Variants in SAMD12 observed in about 807,000 individuals in gnomAD.
SAMD12 encodes the protein sterile alpha motif domain containing 12, also known as sterile alpha motif domain-containing protein 12.
In SAMD12, 9 loss-of-function variants were observed where a neutral mutation model predicts 15.0. The observed-to-expected ratio is 0.60, with a 90% CI of 0.36 to 1.05. The LOEUF (loss-of-function observed/expected upper bound fraction) is 1.05, where lower values mean the gene tolerates loss of function less well. Among genes scored for constraint, SAMD12 ranks in the 50% least tolerant of loss-of-function variants. The pLI, the probability that SAMD12 is intolerant of heterozygous loss-of-function variation, is 0.01. For missense variants in SAMD12, 230 were observed against 234.2 expected (o/e 0.98, Z 0.12); for synonymous variants, 86 against 90.1 (o/e 0.96, Z 0.25).
intron 3 of SAMD12, among the ~76,000 whole-genome samples, chr8:118,421,564 A>C (rs6469746): frequency 0.6 from 91,264 of 152,080 alleles, 27,587 homozygotes; most frequent in Admixed American, 0.67. Context: ...CTTTGGGTGT[A>C]TGAAACAAAA....
chr8:118,391,532 C>T (rs1011658031), intron 3 of SAMD12, among the ~76,000 whole-genome samples: 1 of 152,140 alleles, frequency 6.6e-6, no homozygotes, highest in Admixed American at 6.6e-5. Flanking sequence ...AACAACTAAA[C>T]ACATAAGGAC....
At chr8:118,323,826 T>G (rs1275272091) in intron 4 of SAMD12, among the ~76,000 whole-genome samples, 2 of 151,870 alleles carry the variant, frequency 1.3e-5, no homozygotes, top group Non-Finnish European at 2.9e-5. Context: ...AGATCCTGTC[T>G]CAAAAAAAAA....
At chr8:118,376,792 T>C (rs1819408924), downstream of SAMD12, among the ~76,000 whole-genome samples, 1 of 152,202 alleles carries the variant, frequency 6.6e-6, no homozygotes, top group Non-Finnish European at 1.5e-5. Flanking sequence ...ATATTGTTTC[T>C]GCTGAGTAAT....
chr8:118,561,647 A>T (rs1296156504), intron 2 of SAMD12, among the ~76,000 whole-genome samples: 1 of 152,196 alleles, frequency 6.6e-6, no homozygotes, highest in African/African-American at 2.4e-5. Flanking sequence ...ATCATTCACT[A>T]TCACAAGAAC....
At chr8:118,384,409 G>A (rs756453004) in intron 3 of SAMD12, among the ~76,000 whole-genome samples, 3 of 152,162 alleles carry the variant, frequency 2.0e-5, no homozygotes, top group African/African-American at 4.8e-5. Flanking sequence ...GGAGGAGTCC[G>A]CGGACTATCA....
At chr8:118,468,956 T>C (rs1823678990) in intron 2 of SAMD12, among the ~76,000 whole-genome samples, 1 of 152,194 alleles carries the variant, frequency 6.6e-6, no homozygotes, top group African/African-American at 2.4e-5. Context: ...TCATATCATA[T>C]AGGATTCTGC....
chr8:118,462,944 C>T (rs891641309), intron 2 of SAMD12, among the ~76,000 whole-genome samples: 21 of 151,402 alleles, frequency 1.4e-4, no homozygotes, highest in Non-Finnish European at 2.2e-4. Flanking sequence ...CTACTAAAAA[C>T]ACAAAAATTA....
intron 3 of SAMD12, among the ~76,000 whole-genome samples, chr8:118,429,929 A>C (rs1385826213): frequency 6.6e-6 from 1 of 152,152 alleles, no homozygotes; most frequent in Non-Finnish European, 1.5e-5. Flanking sequence ...AAATAAGGTA[A>C]GAAAGCTAAT....
intron 4 of SAMD12, among the ~76,000 whole-genome samples, chr8:118,285,210 T>C (rs1001344685): frequency 2.6e-5 from 4 of 152,074 alleles, no homozygotes; most frequent in African/African-American, 9.7e-5. Context: ...GAATTCTGGG[T>C]TGGATTTCCT....
the SAMD12 span, among the ~76,000 whole-genome samples, chr8:118,138,816 T>A: frequency 2.0e-5 from 3 of 152,140 alleles, no homozygotes; most frequent in Non-Finnish European, 4.4e-5. Flanking sequence ...GAGACCACAT[T>A]CACCATCATA....
chr8:118,434,994 T>C (rs1822537011), intron 3 of SAMD12, among the ~76,000 whole-genome samples: 1 of 80,452 alleles, frequency 1.2e-5, no homozygotes, highest in Non-Finnish European at 3.0e-5. Context: ...TCCCAGCTAC[T>C]TGGGAGGCTG....
chr8:118,419,301 C>G (rs567933008), intron 3 of SAMD12, among the ~76,000 whole-genome samples: 1 of 151,798 alleles, frequency 6.6e-6, no homozygotes, highest in East Asian at 1.9e-4. Flanking sequence ...TTTTTAATAT[C>G]TCTGAGCTTC....
chr8:118,389,533 G>C (rs1820155428), intron 3 of SAMD12, among the ~76,000 whole-genome samples: 1 of 152,096 alleles, frequency 6.6e-6, no homozygotes, highest in Non-Finnish European at 1.5e-5. Context: ...GTGAAACCCT[G>C]TCTCTACTAA....
chr8:118,354,883 C>T (rs1818151147), intron 4 of SAMD12, among the ~76,000 whole-genome samples: 1 of 152,214 alleles, frequency 6.6e-6, no homozygotes, highest in South Asian at 2.1e-4. Context: ...GAGTGCTTGG[C>T]ACCCAGCAGG....
At chr8:118,172,445 T>C in the SAMD12 span, among the ~76,000 whole-genome samples, 1 of 152,216 alleles carries the variant, frequency 6.6e-6, no homozygotes, top group African/African-American at 2.4e-5. Context: ...TGCTTAACAC[T>C]ATATTTTACA....
rs369093530 is a variant in SAMD12 at position 118,451,321 on chromosome 8, A to T, written c.193-11360T>A. On this transcript the variant is annotated intron_variant, in intron 2 of 3. Transcript: ENST00000314727. ...TAATGAATTAAGATAAACCTGATCA[A>T]AGATGACTCTGACTTTGTCCTAATC... Among the ~76,000 whole-genome samples the T allele has an allele frequency of 3.0e-4, 45 of 152,328 alleles. No homozygotes were observed. The East Asian group carries it at 7.7e-3, about 26-fold the overall frequency.
downstream of SAMD12, among the ~76,000 whole-genome samples, chr8:118,184,732 G>C (rs577833973): frequency 7.2e-5 from 11 of 152,040 alleles, no homozygotes; most frequent in Non-Finnish European, 1.3e-4. Context: ...CCTGACCTCA[G>C]GTGATCCACC....
intron 1 of SAMD12, chr8:118,621,565 C>G (rs1189875871): frequency 6.9e-6 from 4 of 578,302 alleles, no homozygotes; most frequent in Non-Finnish European, 1.2e-5. Context: ...ACACTCGTCT[C>G]CACACCTCCT....
chr8:118,301,977 A>C (rs1395472057), intron 4 of SAMD12, among the ~76,000 whole-genome samples: 1 of 152,058 alleles, frequency 6.6e-6, no homozygotes, highest in Non-Finnish European at 1.5e-5. Flanking sequence ...AAAATTTAGA[A>C]AGCTCGGGCT....
Sources: allele counts gnomAD v4.1 joint callset (sites outside exome capture counted in the v4.1 genomes callset), GRCh38; gene constraint gnomAD v4.1.1; transcripts MANE v1.5; gene names NCBI Gene and HGNC (gene_info 2026-07-23, HGNC 2026-07-21).